Variants in SCPEP1 observed in about 807,000 individuals in gnomAD.
SCPEP1 encodes the protein retinoid-inducible serine carboxypeptidase.
A neutral mutation model predicts 63.8 loss-of-function variants in SCPEP1; 51 were observed. The ratio of observed to expected loss-of-function variants is 0.80; its 90% CI spans 0.64 to 1.01. The LOEUF is 1.01. Among genes scored for constraint, SCPEP1 ranks in the 50% least tolerant of loss-of-function variants. SCPEP1 has a pLI of 0.00. For missense variants in SCPEP1, 499 were observed against 554.9 expected (o/e 0.90, Z 1.01); for synonymous variants, 204 against 207.8 (o/e 0.98, Z 0.16).
At chr17:57,001,979 C>A in intron 11 of SCPEP1, 39 bp from the exon 12 acceptor site, 1 of 1,588,102 alleles carries the variant, frequency 6.3e-7, no homozygotes, top group Non-Finnish European at 8.5e-7. Context: ...TTCTATCCAG[C>A]TGTTAATGCC....
chr17:56,997,905 A>G (rs887709457), intron 9 of SCPEP1: 5 of 157,636 alleles, frequency 3.2e-5, no homozygotes, highest in African/African-American at 1.3e-4. Context: ...TCCACTTTCA[A>G]TGTGTTTCTG....
At chr17:56,998,560 T>C in intron 10 of SCPEP1, 62 bp downstream of exon 10, 1 of 1,278,740 alleles carries the variant, frequency 7.8e-7, no homozygotes, top group African/African-American at 1.5e-5. Flanking sequence ...AGGTGCAAAT[T>C]CAGAGACCTG....
chr17:56,988,127 C>T, intron 4 of SCPEP1, 89 bp from the exon 5 acceptor site: 5 of 1,087,452 alleles, frequency 4.6e-6, no homozygotes, highest in Non-Finnish European at 6.8e-6. Flanking sequence ...TTTTTCTGGT[C>T]ATTACGTGCA....
In SCPEP1 at chr17:57,002,116, A is replaced by T. The variant is rs1484219858; in HGVS notation, c.1231A>T (p.Thr411Ser). 1 of 1,614,098 alleles carries T rather than the reference A, an allele frequency of 6.2e-7. No homozygotes were observed. Among genetic ancestry groups the T allele is most frequent in the Middle Eastern group, 1.6e-4 (1 of 6,084 alleles). ...GTACAGTGACCCTAAATCTTTGGAAACATCTGCTTTTGTCAAGTCCTACAA... is the reference window on the plus strand; with the variant it reads ...GTACAGTGACCCTAAATCTTTGGAATCATCTGCTTTTGTCAAGTCCTACAA... The part of the protein sequence containing the change: ...ALYSDPKSLE[T>S]SAFVKSYKNL... Residue 411 changes from threonine to serine, a missense_variant, in exon 12 of 13, where the codon ACA becomes TCA. Transcript: ENST00000262288.
chr17:57,002,027 C>T lies in SCPEP1; in HGVS notation c.1142C>T (p.Ala381Val). The change falls in exon 12 of 13, where the codon GCC becomes GTC. Residue 381 changes from alanine to valine, a missense_variant. By Grantham distance (64) the Ala-to-Val change is moderately conservative. Transcript: ENST00000262288. ...DLIVDTMGQE[A>V]WVRKLKWPEL... The stretch of plus-strand genomic sequence containing the variant: ...TTGTCCTTCTCACCAGGTCAGGAGG[C>T]CTGGGTGCGGAAACTGAAGTGGCCA... The T allele has an allele frequency of 1.2e-6, 2 of 1,613,924 alleles. No individual in the cohort carries two copies. Among genetic ancestry groups the T allele is most frequent in the South Asian group, 1.1e-5 (1 of 91,040 alleles).
chr17:56,978,205 C>T lies in SCPEP1; in HGVS notation c.46C>T (p.Leu16=). 1 of 1,558,738 alleles carries T rather than the reference C, an allele frequency of 6.4e-7. No individual in the cohort carries two copies. Among genetic ancestry groups the T allele is most frequent in the Non-Finnish European group, 8.6e-7 (1 of 1,157,764 alleles). The change falls in exon 1 of 13, where the codon CTG becomes TTG. Residue 16 remains leucine (L), a synonymous_variant. Transcript: ENST00000262288. ...CTCTCCCGTCCCGCGGTGGTTGCTG[C>T]TGCTGCCGCTGCTGCTGGGCCTGAA... ...RRSPVPRWLL[L]LPLLLGLNAG...
intron 5 of SCPEP1, 37 bp downstream of exon 5, chr17:56,988,327 A>T: frequency 6.6e-7 from 1 of 1,508,048 alleles, no homozygotes; most frequent in Non-Finnish European, 9.2e-7. Flanking sequence ...GGTTTTGGAC[A>T]GAAAATCAAT....
At position 56,978,144 on chromosome 17, in the gene SCPEP1, C is replaced by G. The variant is rs767418728; in HGVS notation, c.-16C>G. 2.4e-6 allele frequency: 3 copies of G among 1,244,642 alleles called. No homozygotes were observed. In the South Asian group the frequency reaches 3.6e-5, roughly 15 times the overall value. The allele number at this position is 1,244,642 out of a possible 1,614,324, so 77.1% of individuals were successfully genotyped here. On this transcript the variant is annotated 5_prime_UTR_variant, in exon 1 of 13. Transcript: ENST00000262288. Reference sequence around the variant, plus strand: ...CGGGTCCAGCCTGTTGCTGATGCTGCCGTGCGGTACTTGTCATGGAGCTGG... The same window carrying G: ...CGGGTCCAGCCTGTTGCTGATGCTGGCGTGCGGTACTTGTCATGGAGCTGG...
chr17:56,987,752 G>A lies in SCPEP1; in HGVS notation c.373G>A (p.Val125Met). The A allele has an allele frequency of 1.9e-6, 3 of 1,614,144 alleles. No individual in the cohort carries two copies. Among genetic ancestry groups the A allele is most frequent in the Non-Finnish European group, 2.5e-6 (3 of 1,180,018 alleles). The change falls in exon 4 of 13, where the codon GTG becomes ATG. Residue 125 changes from valine to methionine, a missense_variant. By Grantham distance (21) the Val-to-Met change is conservative. Coordinates refer to ENST00000262288, the MANE Select transcript of SCPEP1 (RefSeq NM_021626.3). Reference sequence around the variant, plus strand: ...TCCCGTGGGCACTGGGTTCAGTTATGTGAATGGTAGTGGTGCCTATGCCAA... The same window carrying A: ...TCCCGTGGGCACTGGGTTCAGTTATATGAATGGTAGTGGTGCCTATGCCAA... Reference protein sequence around the residue: ...DNPVGTGFSYVNGSGAYAKDL... With the variant: ...DNPVGTGFSYMNGSGAYAKDL...
Position 56,981,249 on chromosome 17 carries a change from C to T in SCPEP1, c.225+19C>T. Reference sequence around the variant, plus strand: ...GCTTCAGGTAAAGTAGCTTCCCAGCCTGGCCTGAGGTCAAAGCCAAGTCTC... The same window carrying T: ...GCTTCAGGTAAAGTAGCTTCCCAGCTTGGCCTGAGGTCAAAGCCAAGTCTC... On this transcript the variant is annotated intron_variant, in intron 2 of 12. Coordinates refer to ENST00000262288, the MANE Select transcript of SCPEP1 (RefSeq NM_021626.3). 1 of 1,613,862 alleles carries T rather than the reference C, an allele frequency of 6.2e-7. No individual in the cohort carries two copies. Among genetic ancestry groups the T allele is most frequent in the Non-Finnish European group, 8.5e-7 (1 of 1,179,884 alleles).
At chr17:56,981,613 G>A (rs1444622271) in intron 2 of SCPEP1, among the ~76,000 whole-genome samples, 1 of 152,128 alleles carries the variant, frequency 6.6e-6, no homozygotes, top group Non-Finnish European at 1.5e-5. Context: ...CCAGGAGTTC[G>A]AGACCAGGCT....
intron 2 of SCPEP1, chr17:56,983,000 A>G (rs1567863427): frequency 1.3e-5 from 2 of 152,080 alleles, no homozygotes; most frequent in African/African-American, 4.8e-5. Flanking sequence ...ATCTTTGAGA[A>G]TCGAAGTCAT....
chr17:56,984,275 C>T (rs1911152353), intron 2 of SCPEP1: 1 of 152,378 alleles, frequency 6.6e-6, no homozygotes, highest in African/African-American at 2.4e-5. Context: ...CACAGAGAGG[C>T]CATATCCTTT....
Position 57,002,057 on chromosome 17 carries a change from T to C in SCPEP1, c.1172T>C (p.Leu391Pro). The change falls in exon 12 of 13, where the codon CTG (leucine) becomes CCG (proline). Residue 391 changes from leucine to proline, a missense_variant. Transcript: ENST00000262288. ...GTGCGGAAACTGAAGTGGCCAGAAC[T>C]GCCTAAATTCAGTCAGCTGAAGTGG... ...AWVRKLKWPELPKFSQLKWKA... is the reference protein window; with the variant it reads ...AWVRKLKWPEPPKFSQLKWKA... 1 of 1,614,244 alleles carries C rather than the reference T, an allele frequency of 6.2e-7. No homozygotes were observed. Among genetic ancestry groups the C allele is most frequent in the East Asian group, 2.2e-5 (1 of 44,890 alleles).
intron 9 of SCPEP1, among the ~76,000 whole-genome samples, chr17:56,997,795 G>A (rs991322306): frequency 1.0e-4 from 15 of 149,244 alleles, no homozygotes; most frequent in Non-Finnish European, 1.9e-4. Context: ...GTTTCACTCT[G>A]TTGCCCAGGC....
chr17:56,994,304 C>T (rs1212871931), intron 6 of SCPEP1, among the ~76,000 whole-genome samples: 3 of 152,196 alleles, frequency 2.0e-5, no homozygotes, highest in African/African-American at 7.2e-5. Context: ...GCGTGTCTTT[C>T]AATAGCACTT....
At chr17:56,995,101 G>A in intron 7 of SCPEP1, 83 bp downstream of exon 7, 1 of 1,276,966 alleles carries the variant, frequency 7.8e-7, no homozygotes, top group Non-Finnish European at 1.1e-6. Flanking sequence ...AGAGATGCTG[G>A]ATGAGTTTGC....
Position 56,998,484 on chromosome 17 carries a change from A to G in SCPEP1, c.980A>G (p.Asp327Gly), listed in dbSNP as rs779452543. 1.9e-6 allele frequency: 3 copies of G among 1,613,222 alleles called. No homozygotes were observed. Among genetic ancestry groups the G allele is most frequent in the Non-Finnish European group, 2.5e-6 (3 of 1,179,226 alleles). Residue 327 changes from aspartate (D) to glycine (G), a missense_variant, in exon 10 of 13, where the codon GAT (aspartate) becomes GGT (glycine). Transcript: ENST00000262288. ...IRKKLKIIPE[D>G]QSWGGQATNV... ...AAGAAGCTCAAAATTATTCCTGAGGATCAATCCTGGGGAGGTACTTATATG... is the reference window on the plus strand; with the variant it reads ...AAGAAGCTCAAAATTATTCCTGAGGGTCAATCCTGGGGAGGTACTTATATG...
chr17:57,006,161 G>GT lies in SCPEP1; in HGVS notation c.1297-5dup, dbSNP rs764069153. On this transcript the variant is annotated splice_polypyrimidine_tract_variant and intron_variant, in intron 12 of 12. Transcript: ENST00000262288. ...CACCAGGAGCACTAACTCAGATGTTGTTTTTTTCTAGGTTCCTTCTGACCA... is the reference window on the plus strand; with the variant it reads ...CACCAGGAGCACTAACTCAGATGTTGTTTTTTTTCTAGGTTCCTTCTGACCA... The GT allele has an allele frequency of 1.9e-6, 3 of 1,606,550 alleles. No individual in the cohort carries two copies. In the African/African-American group the frequency reaches 4.0e-5, roughly 22 times the overall value.
Sources: allele counts gnomAD v4.1 joint callset (sites outside exome capture counted in the v4.1 genomes callset), GRCh38; gene constraint gnomAD v4.1.1; transcripts MANE v1.5; gene names NCBI Gene and HGNC (gene_info 2026-07-23, HGNC 2026-07-21).